Variants in NXF3 observed in about 807,000 individuals in gnomAD.
NXF3 encodes nuclear RNA export factor 3, also known as TAP-like protein 3.
NXF3 carries 34 observed loss-of-function variants against 48.4 expected under a neutral mutation model. That is an observed-to-expected ratio of 0.70 (90% CI 0.53 to 0.93). NXF3 has a LOEUF of 0.93. Ranked by LOEUF, NXF3 falls within the 40% of genes least tolerant of loss-of-function variation. The pLI, the probability that NXF3 is intolerant of heterozygous loss-of-function variation, is 0.00. For synonymous variants in NXF3, 132 were observed against 145.7 expected (o/e 0.91, Z 0.68); for missense variants, 359 against 406.1 (o/e 0.88, Z 1.00).
At chrX:103,083,991 C>T (rs1173806082) in intron 3 of NXF3, among the ~76,000 whole-genome samples, 2 of 111,359 alleles carry the variant, frequency 1.8e-5, no homozygotes, top group Non-Finnish European at 3.8e-5. Context: ...AAGAGCCTAC[C>T]TAAGGCAGAC....
chrX:103,081,507 G>C (rs1922009792), intron 9 of NXF3: 1 of 113,021 alleles, frequency 8.8e-6, no homozygotes, highest in Non-Finnish European at 1.9e-5. Flanking sequence ...GGGCTACCCA[G>C]GGCTCCTCTG....
chrX:103,077,773 G>A lies in NXF3; in HGVS notation c.1452-27C>T, dbSNP rs751731830. 182 of 1,204,298 alleles carry A rather than the reference G, an allele frequency of 1.5e-4. 1 individual carries two copies. The South Asian group carries it at 3.0e-3, about 20-fold the overall frequency. On this transcript the variant is annotated intron_variant, in intron 17 of 19. Transcript: ENST00000395065. Reference sequence around the variant, plus strand: ...TGGAGGAAAAATGGGCCATCAGGTAGCCGGAGAGAAGGACACCTCCCCACC... The same window carrying A: ...TGGAGGAAAAATGGGCCATCAGGTAACCGGAGAGAAGGACACCTCCCCACC...
intron 9 of NXF3, chrX:103,081,982 C>T (rs1257153541): frequency 6.0e-6 from 2 of 332,569 alleles, no homozygotes; most frequent in African/African-American, 5.2e-5. Context: ...GGGAGCCCCG[C>T]TTCCTGGAGC....
intron 1 of NXF3, 104 bp downstream of exon 1, chrX:103,092,892 G>A (rs1472622107): frequency 4.9e-6 from 4 of 822,752 alleles, no homozygotes; most frequent in Non-Finnish European, 7.2e-6. Flanking sequence ...CATCTAAAGG[G>A]AGATTGGCTG....
Position 103,079,793 on chromosome X carries a change from C to G in NXF3, c.1130G>C (p.Ser377Thr). The change falls in exon 13 of 20, where the codon AGC (serine) becomes ACC (threonine). Residue 377 changes from serine (S) to threonine (T), a missense_variant. Ser to Thr is a moderately conservative substitution (Grantham distance 58). Transcript: ENST00000395065. Reference sequence around the variant, plus strand: ...TGAGTCCTCAGGATTGAAGGGAATGCTCAGGGAGAAGCAGGCCTCATCGTG... The same window carrying G: ...TGAGTCCTCAGGATTGAAGGGAATGGTCAGGGAGAAGCAGGCCTCATCGTG... The part of the protein sequence containing the change: ...AYHDEACFSL[S>T]IPFNPEDSAP... 4.1e-6 allele frequency: 5 copies of G among 1,211,171 alleles called. No individual in the cohort carries two copies. The highest frequency in any genetic ancestry group is 5.6e-6 in the Non-Finnish European group (5 of 895,242).
In NXF3 at chrX:103,091,902, G is replaced by A. The variant is rs375027833; in HGVS notation, c.28+1094C>T. On this transcript the variant is annotated intron_variant, in intron 1 of 19. Coordinates refer to ENST00000395065, the MANE Select transcript of NXF3 (RefSeq NM_022052.2). The stretch of plus-strand genomic sequence containing the variant: ...CGGGAGGCTGAGGCAGAAGAATGGC[G>A]TGAACCCGGGAGGCAGAGCTCGCAG... 8.9e-4 allele frequency among the ~76,000 whole-genome samples: 93 copies of A among 104,623 alleles called. 1 individual carries two copies. Among genetic ancestry groups the A allele is most frequent in the East Asian group, 8.4e-3 (28 of 3,320 alleles). The allele number at this position is 104,623 out of a possible 115,157, so 90.9% of individuals were successfully genotyped here. A position where few individuals can be genotyped will look rare whatever the true frequency, so the allele number is the denominator to read the frequency against.
intron 10 of NXF3, 73 bp from the exon 11 acceptor site, chrX:103,080,289 C>A (rs1383659329): frequency 1.0e-6 from 1 of 1,003,000 alleles, no homozygotes; most frequent in Non-Finnish European, 1.4e-6. Context: ...AAGGATAGAC[C>A]CAGGAGAGGG....
intron 1 of NXF3, among the ~76,000 whole-genome samples, chrX:103,091,781 C>A (rs1922282199): frequency 9.1e-6 from 1 of 109,721 alleles, no homozygotes; most frequent in South Asian, 4.0e-4. Context: ...GTCAGGAGAT[C>A]GAGACCATCC....
chrX:103,089,072 C>A (rs1922217341), intron 1 of NXF3: 2 of 1,058,630 alleles, frequency 1.9e-6, no homozygotes, highest in East Asian at 6.1e-5. Context: ...ATGATGTCTT[C>A]CTGTACCGAC....
intron 1 of NXF3, chrX:103,088,796 T>C: frequency 8.9e-7 from 1 of 1,120,510 alleles, no homozygotes; most frequent in Non-Finnish European, 1.2e-6. Flanking sequence ...AGAGTCCTTA[T>C]GCATCCCTTT....
chrX:103,083,844 TTC>T, intron 3 of NXF3, 152 bp from the exon 4 acceptor site: 1 of 430,984 alleles, frequency 2.3e-6, no homozygotes, highest in Non-Finnish European at 4.0e-6. Context: ...TCATTATTAT[TTC>T]TTTCATTATT....
At chrX:103,078,860 A>G in intron 16 of NXF3, among the ~76,000 whole-genome samples, 1 of 112,108 alleles carries the variant, frequency 8.9e-6, no homozygotes, top group Non-Finnish European at 1.9e-5. Flanking sequence ...TGAAAACCAC[A>G]AGTTCACTTA....
At chrX:103,080,548 A>G in intron 10 of NXF3, 28 bp downstream of exon 10, 1 of 1,192,852 alleles carries the variant, frequency 8.4e-7, no homozygotes, top group East Asian at 3.0e-5. Flanking sequence ...CCCAATTAGG[A>G]AAGTCAATGA....
intron 1 of NXF3, among the ~76,000 whole-genome samples, chrX:103,090,333 T>C (rs905190294): frequency 8.9e-6 from 1 of 112,222 alleles, no homozygotes; most frequent in African/African-American, 3.2e-5. Flanking sequence ...TGTTAAATTT[T>C]TATTTTGATT....
intron 16 of NXF3, 103 bp from the exon 17 acceptor site, chrX:103,078,735 GC>G (rs1921933192): frequency 3.5e-6 from 4 of 1,132,725 alleles, no homozygotes; most frequent in Admixed American, 4.4e-5. Flanking sequence ...ACAGAAGGGG[GC>G]CAGACCAGGA....
At chrX:103,078,506 A>G in intron 17 of NXF3, 54 bp downstream of exon 17, 1 of 1,208,643 alleles carries the variant, frequency 8.3e-7, no homozygotes, top group Non-Finnish European at 1.1e-6. Flanking sequence ...CCACATTCCC[A>G]CACCACTGGC....
chrX:103,077,799 C>T, intron 17 of NXF3, 53 bp from the exon 18 acceptor site: 36 of 1,175,377 alleles, frequency 3.1e-5, no homozygotes, highest in Middle Eastern at 2.4e-4. Flanking sequence ...CCTCCCCACC[C>T]GCTACAAGGA....
Position 103,082,674 on chromosome X carries a change from C to T in NXF3, c.780+86G>A, listed in dbSNP as rs1922045297. 8.8e-6 allele frequency: 7 copies of T among 794,923 alleles called. No homozygotes were observed. In the East Asian group the frequency reaches 2.2e-4, roughly 25 times the overall value. 65.5% of individuals were successfully genotyped at this position (794,923 alleles called of 1,213,427 possible). A position where few individuals can be genotyped will look rare whatever the true frequency, so the allele number is the denominator to read the frequency against. ...ATTAAGAACTAAGAGTGAAGGCCCCCAACAGGGGATATCTTAGACCAATTA... is the reference window on the plus strand; with the variant it reads ...ATTAAGAACTAAGAGTGAAGGCCCCTAACAGGGGATATCTTAGACCAATTA... On this transcript the variant is annotated intron_variant, in intron 8 of 19. Coordinates refer to ENST00000395065, the MANE Select transcript of NXF3 (RefSeq NM_022052.2).
intron 18 of NXF3, 75 bp from the exon 19 acceptor site, chrX:103,076,376 T>C: frequency 9.6e-7 from 1 of 1,044,559 alleles, no homozygotes; most frequent in African/African-American, 1.9e-5. Flanking sequence ...TGCCATTTCT[T>C]AATCTATGCA....
Sources: gnomAD v4.1 joint callset for allele counts (sites outside exome capture counted in the v4.1 genomes callset) on GRCh38, gnomAD v4.1.1 for gene constraint, MANE v1.5 for transcripts, NCBI Gene and HGNC (gene_info 2026-07-23, HGNC 2026-07-21) for gene names.